KCNN2: variants seen among roughly 807,000 people sequenced by gnomAD.
KCNN2 encodes potassium calcium-activated channel subfamily N member 2, also known as small conductance calcium-activated potassium channel protein 2.
KCNN2 carries 24 observed loss-of-function variants against 55.5 expected under a neutral mutation model. The ratio of observed to expected loss-of-function variants is 0.43; its 90% CI spans 0.31 to 0.61. KCNN2 has a LOEUF of 0.61. Ranked by LOEUF, KCNN2 falls within the 20% of genes least tolerant of loss-of-function variation. The pLI is 0.08. For synonymous variants in KCNN2, 431 were observed against 336.1 expected, an observed-to-expected ratio of 1.28 and a Z score of -3.09; for missense variants, 754 against 853.6, an observed-to-expected ratio of 0.88 and a Z score of 1.45.
At chr5:114,390,496 T>G (rs1413976260) in intron 2 of KCNN2, among the ~76,000 whole-genome samples, 1 of 152,160 alleles carries the variant, frequency 6.6e-6, no homozygotes, top group African/African-American at 2.4e-5. Flanking sequence ...AGGCCAGATT[T>G]TGACACAGTG....
At position 114,176,932 on chromosome 5, in the gene KCNN2, T is replaced by C. The variant is rs146871497; in HGVS notation, c.-270-44548T>C. Among the ~76,000 whole-genome samples the C allele has an allele frequency of 4.7e-3, 713 of 152,262 alleles. 4 individuals carry two copies. The highest frequency in any genetic ancestry group is 8.4e-3 in the Non-Finnish European group (569 of 68,000). On this transcript the variant is annotated intron_variant, in intron 1 of 10. Transcript: ENST00000512097. ...CTCTCTCTCTCTCCAGTGTGCAACC[T>C]CTTCTTTACTTCCTTTTTCTTTTTA...
intron 1 of KCNN2, among the ~76,000 whole-genome samples, chr5:114,170,167 G>T (rs1421819712): frequency 6.6e-6 from 1 of 151,886 alleles, no homozygotes; most frequent in Non-Finnish European, 1.5e-5. Context: ...AAAAATTTTG[G>T]CTTGAGCTCA....
chr5:114,083,888 C>T (rs574960128), intron 1 of KCNN2, among the ~76,000 whole-genome samples: 3 of 152,172 alleles, frequency 2.0e-5, no homozygotes, highest in South Asian at 4.1e-4. Context: ...TATCTTTTTA[C>T]CATCTCTGTA....
At chr5:114,263,516 T>C (rs1391359534) in intron 2 of KCNN2, among the ~76,000 whole-genome samples, 1 of 151,756 alleles carries the variant, frequency 6.6e-6, no homozygotes, top group African/African-American at 2.4e-5. Context: ...TGCCACCCTA[T>C]GGATCGGATT....
At chr5:114,452,673 C>T (rs974502468) in intron 3 of KCNN2, among the ~76,000 whole-genome samples, 1 of 152,156 alleles carries the variant, frequency 6.6e-6, no homozygotes, top group Non-Finnish European at 1.5e-5. Context: ...ACCTCAGCTT[C>T]ATTGTTTACG....
At chr5:114,210,049 T>C (rs1753849507) in intron 1 of KCNN2, among the ~76,000 whole-genome samples, 1 of 152,202 alleles carries the variant, frequency 6.6e-6, no homozygotes, top group Non-Finnish European at 1.5e-5. Flanking sequence ...TTTTGCTTCT[T>C]TTTTCAGCTT....
intron 3 of KCNN2, among the ~76,000 whole-genome samples, chr5:114,462,032 T>C (rs1761226076): frequency 6.6e-6 from 1 of 152,188 alleles, no homozygotes; most frequent in Non-Finnish European, 1.5e-5. Context: ...GGAAGTCTTC[T>C]AGTGACCAGA....
chr5:114,111,370 T>C (rs1751592542), intron 1 of KCNN2, among the ~76,000 whole-genome samples: 1 of 152,092 alleles, frequency 6.6e-6, no homozygotes, highest in Non-Finnish European at 1.5e-5. Flanking sequence ...CCTAAAACCA[T>C]GAAAACCCTA....
intron 2 of KCNN2, among the ~76,000 whole-genome samples, chr5:114,276,848 A>G (rs1408394825): frequency 1.3e-5 from 2 of 152,002 alleles, no homozygotes; most frequent in African/African-American, 4.8e-5. Flanking sequence ...TAAGTTTAAT[A>G]TTGTTATATG....
At chr5:114,254,855 A>G (rs929090917) in intron 2 of KCNN2, among the ~76,000 whole-genome samples, 2 of 152,316 alleles carry the variant, frequency 1.3e-5, no homozygotes, top group East Asian at 1.9e-4. Flanking sequence ...ATGATTGGTA[A>G]TGTTTTCAAT....
At chr5:114,412,604 A>C (rs1366933071) in intron 3 of KCNN2, among the ~76,000 whole-genome samples, 1 of 152,178 alleles carries the variant, frequency 6.6e-6, no homozygotes, top group Non-Finnish European at 1.5e-5. Flanking sequence ...ACATAAGATG[A>C]ATGTGAAATA....
Position 114,409,392 on chromosome 5 carries a change from C to G in KCNN2, c.1637+4536C>G, listed in dbSNP as rs565271905. Among the ~76,000 whole-genome samples the G allele has an allele frequency of 2.0e-4, 30 of 152,226 alleles. No homozygotes were observed. The South Asian group carries it at 6.2e-3, about 32-fold the overall frequency. The stretch of plus-strand genomic sequence containing the variant: ...GGAACATGATGTCACCAGTATCTTA[C>G]GCTTCCTTGATAATTATTTTCTGAC... On this transcript the variant is annotated intron_variant, in intron 3 of 7. Coordinates refer to ENST00000673685, the MANE Select transcript of KCNN2 (RefSeq NM_021614.4).
chr5:114,458,555 CCTG>C (rs1307909093), intron 3 of KCNN2, among the ~76,000 whole-genome samples: 3 of 152,162 alleles, frequency 2.0e-5, no homozygotes, highest in Non-Finnish European at 4.4e-5. Context: ...ATATTACTTC[CCTG>C]CTATGTTTTT....
chr5:114,427,505 A>C (rs1032057957), intron 3 of KCNN2, among the ~76,000 whole-genome samples: 1 of 151,788 alleles, frequency 6.6e-6, no homozygotes, highest in Admixed American at 6.6e-5. Flanking sequence ...AACCAATCCC[A>C]CTCTTGTTTA....
intron 4 of KCNN2, among the ~76,000 whole-genome samples, chr5:114,465,546 A>G (rs1003834695): frequency 1.3e-5 from 2 of 151,864 alleles, no homozygotes; most frequent in Non-Finnish European, 2.9e-5. Context: ...TGGGAGGCGG[A>G]GGTTGCAGTG....
chr5:114,112,851 G>A (rs547489547), intron 1 of KCNN2, among the ~76,000 whole-genome samples: 172 of 152,136 alleles, frequency 1.1e-3, no homozygotes, highest in Non-Finnish European at 5.7e-4. Context: ...AATGTGTTAT[G>A]TTTCTACATG....
At chr5:114,379,572 T>TTTG (rs1758047407) in intron 2 of KCNN2, among the ~76,000 whole-genome samples, 1 of 55,248 alleles carries the variant, frequency 1.8e-5, no homozygotes. Context: ...ATATTATATA[T>TTTG]TATAGAATAT....
At chr5:114,253,111 G>T (rs1229230543) in intron 2 of KCNN2, among the ~76,000 whole-genome samples, 3 of 138,562 alleles carry the variant, frequency 2.2e-5, no homozygotes, top group Non-Finnish European at 3.0e-5. Context: ...CTTAGTAGAG[G>T]TTTCTTTTTT....
At chr5:114,355,755 T>C (rs1757283914) in intron 2 of KCNN2, among the ~76,000 whole-genome samples, 1 of 152,104 alleles carries the variant, frequency 6.6e-6, no homozygotes, top group Admixed American at 6.5e-5. Flanking sequence ...TCCCTTATTA[T>C]TTGAAAAAAC....
Sources: allele counts gnomAD v4.1 joint callset (sites outside exome capture counted in the v4.1 genomes callset), GRCh38; gene constraint gnomAD v4.1.1; transcripts MANE v1.5; gene names NCBI Gene and HGNC (gene_info 2026-07-23, HGNC 2026-07-21).